The following LRPPRC variants were observed in gnomAD, a reference collection of about 807,000 sequenced individuals.
LRPPRC encodes leucine-rich PPR motif-containing protein, mitochondrial.
In LRPPRC, 120 loss-of-function variants were observed where a neutral mutation model predicts 180.3. That is an observed-to-expected ratio of 0.67 (90% CI 0.57 to 0.77). LRPPRC has a LOEUF of 0.77. Ranked by LOEUF, LRPPRC falls within the 30% of genes least tolerant of loss-of-function variation. The probability of loss-of-function intolerance (pLI) is 0.00; values close to 1 mark genes in which losing one functional copy is unlikely to be tolerated. For missense variants in LRPPRC, 2,012 were observed against 1,657.2 expected (o/e 1.21, Z -3.72); for synonymous variants, 723 against 600.0 (o/e 1.21, Z -3.00).
chr2:43,965,572 C>T lies in LRPPRC; in HGVS notation c.1370-1866G>A, dbSNP rs560117262. On this transcript the variant is annotated intron_variant, in intron 11 of 37. Coordinates refer to ENST00000260665, the MANE Select transcript of LRPPRC (RefSeq NM_133259.4). The stretch of plus-strand genomic sequence containing the variant: ...TAAAGGAAACAATAAAATGAAAAGG[C>T]GACCTATGGAATGCGAGAAAATATT... Among the ~76,000 whole-genome samples the T allele has an allele frequency of 6.6e-5, 10 of 152,098 alleles. No individual in the cohort carries two copies. The East Asian group carries it at 1.7e-3, about 26-fold the overall frequency.
At chr2:43,947,397 A>C (rs761796589) in intron 19 of LRPPRC, 27 bp from the exon 20 acceptor site, 9 of 1,196,972 alleles carry the variant, frequency 7.5e-6, no homozygotes, top group Middle Eastern at 1.9e-4. Flanking sequence ...AGAAAAGAAA[A>C]ATTTCCTGAA....
chr2:43,917,994 CACACACA>C, intron 29 of LRPPRC, 24 bp downstream of exon 29: 18 of 1,442,568 alleles, frequency 1.2e-5, no homozygotes, highest in Non-Finnish European at 1.8e-5. Context: ...ACCACCCCCC[CACACACA>C]CCCCCATCCC....
At position 43,982,255 on chromosome 2, in the gene LRPPRC, T is replaced by C. The variant is rs781291157; in HGVS notation, c.329A>G (p.Asn110Ser). 61 of 1,572,410 alleles carry C rather than the reference T, an allele frequency of 3.9e-5. No homozygotes were observed. Among genetic ancestry groups the C allele is most frequent in the Non-Finnish European group, 3.4e-6 (4 of 1,163,536 alleles). ...IPKKLLQKVF[N>S]DTCRSGGLGG... ...TGAAATACCTGAGCGGCAGGTATCA[T>C]TAAAAACTTTTTGTAGAAGCTTCTT... The change falls in exon 2 of 38, where the codon AAT becomes AGT. Residue 110 changes from asparagine (N) to serine (S), a missense_variant. Transcript: ENST00000260665.
chr2:43,996,064 G>C (rs1027334294), upstream of LRPPRC: 2 of 1,007,358 alleles, frequency 2.0e-6, no homozygotes, highest in Admixed American at 2.3e-5. Flanking sequence ...AATGTGGGGG[G>C]AGCGACGGAT....
At chr2:43,942,905 T>C (rs1053916881) in intron 23 of LRPPRC, among the ~76,000 whole-genome samples, 2 of 152,028 alleles carry the variant, frequency 1.3e-5, no homozygotes, top group African/African-American at 4.8e-5. Context: ...TTTTAATTAT[T>C]ATCTTCTATT....
chr2:43,904,707 C>CAAAAAAAAAAAAAAAAAAAAAA, intron 31 of LRPPRC: 1 of 81,024 alleles, frequency 1.2e-5, no homozygotes, highest in Non-Finnish European at 2.5e-5. Flanking sequence ...AAAACAAAAA[C>CAAAAAAAAAAAAAAAAAAAAAA]AAAAAAAAAA....
At chr2:43,969,135 G>A (rs144793850) in intron 11 of LRPPRC, among the ~76,000 whole-genome samples, 81 of 152,254 alleles carry the variant, frequency 5.3e-4, no homozygotes, top group African/African-American at 1.7e-3. Flanking sequence ...GTCTCAGTCC[G>A]GGCGCAGAGG....
intron 11 of LRPPRC, among the ~76,000 whole-genome samples, chr2:43,966,599 G>A (rs867968115): frequency 4.0e-5 from 6 of 151,402 alleles, no homozygotes; most frequent in South Asian, 4.2e-4. Flanking sequence ...TACCAGAGAC[G>A]GGGTTTCATC....
chr2:43,982,957 G>A (rs1674377530), intron 1 of LRPPRC, among the ~76,000 whole-genome samples: 2 of 151,662 alleles, frequency 1.3e-5, no homozygotes, highest in South Asian at 2.1e-4. Flanking sequence ...GATCATTTAG[G>A]CCCAAATAAT....
At chr2:43,989,869 C>A (rs369066004) in intron 1 of LRPPRC, among the ~76,000 whole-genome samples, 1 of 152,162 alleles carries the variant, frequency 6.6e-6, no homozygotes. Context: ...TAATAACCCA[C>A]GGAAGTTGAA....
intron 11 of LRPPRC, among the ~76,000 whole-genome samples, chr2:43,966,569 C>A (rs778209916): frequency 6.6e-6 from 1 of 151,814 alleles, no homozygotes; most frequent in South Asian, 2.1e-4. Context: ...CGCCACCACG[C>A]CGAGTAATTT....
rs1460635351 is a variant in LRPPRC at position 43,886,966 on chromosome 2, A to G, written c.*1634T>C. The G allele has an allele frequency of 6.6e-6, 1 of 151,920 alleles. No individual in the cohort carries two copies. The highest frequency in any genetic ancestry group is 1.5e-5 in the Non-Finnish European group (1 of 68,032). 9.4% of individuals were successfully genotyped at this position (151,920 alleles called of 1,614,324 possible). ...GGAGTTCGAGACCAACCTGGCCAAC[A>G]TGGTGAAACTCCGTCTTTACCATAC... On this transcript the variant is annotated 3_prime_UTR_variant, in exon 38 of 38. Coordinates refer to ENST00000260665, the MANE Select transcript of LRPPRC (RefSeq NM_133259.4).
At chr2:43,934,689 A>G in intron 24 of LRPPRC, 65 bp downstream of exon 24, 3 of 1,443,934 alleles carry the variant, frequency 2.1e-6, no homozygotes, top group Non-Finnish European at 2.9e-6. Flanking sequence ...TCTTAACAAT[A>G]CACTAAGATT....
At chr2:43,956,627 T>C (rs897735270) in intron 14 of LRPPRC, among the ~76,000 whole-genome samples, 7 of 152,106 alleles carry the variant, frequency 4.6e-5, no homozygotes, top group East Asian at 1.9e-4. Flanking sequence ...CAGTGGCTCA[T>C]GCCTGTAAAC....
chr2:43,917,768 G>A (rs867005349), intron 29 of LRPPRC, among the ~76,000 whole-genome samples: 3 of 152,020 alleles, frequency 2.0e-5, no homozygotes, highest in Non-Finnish European at 1.5e-5. Context: ...CAGCCTGGGC[G>A]ACAGAGTGAG....
intron 30 of LRPPRC, 73 bp from the exon 31 acceptor site, chr2:43,905,853 G>C (rs1671051287): frequency 1.0e-6 from 1 of 987,486 alleles, no homozygotes; most frequent in Non-Finnish European, 1.6e-6. Flanking sequence ...TGAGCACCAA[G>C]GTGAAATTAT....
intron 9 of LRPPRC, 24 bp downstream of exon 9, chr2:43,974,126 A>G: frequency 1.2e-6 from 2 of 1,607,018 alleles, no homozygotes; most frequent in Non-Finnish European, 8.5e-7. Context: ...TACATTGTCT[A>G]CAAAGTAAAA....
At chr2:43,957,820 A>T (rs1405980544) in intron 13 of LRPPRC, among the ~76,000 whole-genome samples, 1 of 152,066 alleles carries the variant, frequency 6.6e-6, no homozygotes, top group East Asian at 1.9e-4. Flanking sequence ...ACCCTACAAG[A>T]CTTTTGTTCT....
At chr2:43,937,078 T>C (rs1247316552) in intron 23 of LRPPRC, among the ~76,000 whole-genome samples, 1 of 152,212 alleles carries the variant, frequency 6.6e-6, no homozygotes, top group Non-Finnish European at 1.5e-5. Flanking sequence ...CTCAATTGTA[T>C]TTCCCCCTAC....
Sources: allele counts gnomAD v4.1 joint callset (sites outside exome capture counted in the v4.1 genomes callset), GRCh38; gene constraint gnomAD v4.1.1; transcripts MANE v1.5; gene names NCBI Gene and HGNC (gene_info 2026-07-23, HGNC 2026-07-21).